PRKN: variants seen among roughly 807,000 people sequenced by gnomAD.
PRKN encodes E3 ubiquitin-protein ligase parkin.
A neutral mutation model predicts 59.5 loss-of-function variants in PRKN; 56 were observed. That is an observed-to-expected ratio of 0.94 (90% CI 0.76 to 1.18). The LOEUF (loss-of-function observed/expected upper bound fraction) is 1.18, where lower values mean the gene tolerates loss of function less well. PRKN is among the 50% of genes most tolerant of loss of function. PRKN has a pLI of 0.00. For missense variants in PRKN, 657 were observed against 596.4 expected (o/e 1.10, Z -1.06); for synonymous variants, 250 against 222.1 (o/e 1.13, Z -1.12).
chr6:162,620,859 T>C (rs59603930), intron 1 of PRKN, among the ~76,000 whole-genome samples: 2,231 of 152,306 alleles, frequency 0.015, 61 homozygotes, highest in African/African-American at 0.051. Context: ...CAGATATATA[T>C]TTTTTACCAA....
intron 2 of PRKN, among the ~76,000 whole-genome samples, chr6:162,400,457 C>CA (rs3081908): frequency 0.036 from 3,506 of 98,174 alleles, 92 homozygotes; most frequent in African/African-American, 0.07. Context: ...ATGTAAATAT[C>CA]AAAAAAAAAA....
At chr6:161,970,941 C>T (rs1257729550) in intron 6 of PRKN, among the ~76,000 whole-genome samples, 1 of 152,092 alleles carries the variant, frequency 6.6e-6, no homozygotes, top group Non-Finnish European at 1.5e-5. Context: ...ACGGAGTGTC[C>T]GTGCAGGCGC....
chr6:162,249,030 C>T (rs553248450), intron 3 of PRKN, among the ~76,000 whole-genome samples: 77 of 152,138 alleles, frequency 5.1e-4, no homozygotes, highest in African/African-American at 1.8e-3. Context: ...AGGTGCACCA[C>T]CACCACACCC....
At chr6:162,156,289 T>C (rs1237776817) in intron 4 of PRKN, among the ~76,000 whole-genome samples, 5 of 152,098 alleles carry the variant, frequency 3.3e-5, no homozygotes, top group African/African-American at 1.2e-4. Context: ...ACAGAACTAA[T>C]AGGATTGATG....
intron 1 of PRKN, among the ~76,000 whole-genome samples, chr6:162,647,820 C>T (rs912240875): frequency 6.6e-6 from 1 of 151,860 alleles, no homozygotes; most frequent in Non-Finnish European, 1.5e-5. Flanking sequence ...TTGTCTCTTT[C>T]CTCTGTCACC....
intron 7 of PRKN, among the ~76,000 whole-genome samples, chr6:161,615,189 AG>A (rs1395109257): frequency 6.6e-6 from 1 of 152,098 alleles, no homozygotes; most frequent in Non-Finnish European, 1.5e-5. Context: ...GCATATAGAG[AG>A]GGGTCTTGAA....
intron 1 of PRKN, among the ~76,000 whole-genome samples, chr6:162,637,691 A>G (rs1777783222): frequency 6.6e-6 from 1 of 152,220 alleles, no homozygotes; most frequent in Non-Finnish European, 1.5e-5. Flanking sequence ...CAATTAAATT[A>G]AAATTATATC....
Position 161,552,107 on chromosome 6 carries a change from A to G in PRKN, c.934-3104T>C, listed in dbSNP as rs1780041107. Among the ~76,000 whole-genome samples the G allele has an allele frequency of 6.6e-6, 1 of 152,220 alleles. No homozygotes were observed. Among genetic ancestry groups the G allele is most frequent in the Non-Finnish European group, 1.5e-5 (1 of 68,030 alleles). ...CACCCAGGCCCTCCTGAGGTCAGAG[A>G]TGATGAATTTAAAGGAAAACTCGTG... On this transcript the variant is annotated intron_variant, in intron 8 of 11. Coordinates refer to ENST00000366898, the MANE Select transcript of PRKN (RefSeq NM_004562.3). This position sits in a 1 kb window ranked among gnomAD's most constrained non-coding sequence, Gnocchi z 4.9.
intron 1 of PRKN, among the ~76,000 whole-genome samples, chr6:162,546,091 G>C (rs1210665225): frequency 6.7e-6 from 1 of 148,160 alleles, no homozygotes; most frequent in African/African-American, 2.5e-5. Flanking sequence ...CCATGTAAAA[G>C]TGTATGCAGT....
At chr6:162,571,313 A>C (rs1208886347) in intron 1 of PRKN, 2 of 136,862 alleles carry the variant, frequency 1.5e-5, no homozygotes, top group Non-Finnish European at 3.1e-5. Flanking sequence ...CAACAGAGAA[A>C]AACTCATTTC....
intron 7 of PRKN, among the ~76,000 whole-genome samples, chr6:161,712,292 T>C: frequency 6.6e-6 from 1 of 152,120 alleles, no homozygotes; most frequent in East Asian, 1.9e-4. Flanking sequence ...TATTAGCAAA[T>C]AGGTTATTCT....
Position 161,374,960 on chromosome 6 carries a change from C to A in PRKN, c.1167+11834G>T, listed in dbSNP as rs141741993. On this transcript the variant is annotated intron_variant, in intron 10 of 11. Transcript: ENST00000366898. ...AATCCAAAAGCCTTCAGGACAGCAT[C>A]ATTTTCAGAGGAGGGTCCCATGTGT... 3.8e-3 allele frequency among the ~76,000 whole-genome samples: 580 copies of A among 152,230 alleles called. 7 individuals are homozygous for A. The highest frequency in any genetic ancestry group is 0.013 in the African/African-American group (556 of 41,530).
intron 7 of PRKN, among the ~76,000 whole-genome samples, chr6:161,740,892 G>C (rs1788157140): frequency 6.6e-6 from 1 of 152,226 alleles, no homozygotes; most frequent in African/African-American, 2.4e-5. Context: ...TCTGATCCAA[G>C]GAACAGGTGG....
intron 7 of PRKN, among the ~76,000 whole-genome samples, chr6:161,778,801 G>A (rs1203689694): frequency 1.3e-5 from 2 of 152,164 alleles, no homozygotes; most frequent in African/African-American, 4.8e-5. Flanking sequence ...TGCTGCATCT[G>A]ACCACAGACA....
rs73592331 is a variant in PRKN at position 162,154,987 on chromosome 6, A to C, written c.534+46144T>G. 6.6e-3 allele frequency among the ~76,000 whole-genome samples: 1,007 copies of C among 151,844 alleles called. 10 individuals are homozygous for C. Among genetic ancestry groups the C allele is most frequent in the African/African-American group, 0.023 (945 of 41,476 alleles). ...GGTGATGCAAAAAAAAAAACAAAAA[A>C]ATTCAAAAAAAGCACAAAAAGGACT... On this transcript the variant is annotated intron_variant, in intron 4 of 11. Transcript: ENST00000366898.
intron 3 of PRKN, among the ~76,000 whole-genome samples, chr6:162,261,635 C>T (rs1779891618): frequency 6.6e-6 from 1 of 151,682 alleles, no homozygotes; most frequent in African/African-American, 2.4e-5. Flanking sequence ...ACCTGAGGTG[C>T]CCAGCTCACA....
intron 7 of PRKN, among the ~76,000 whole-genome samples, chr6:161,710,986 C>CT (rs1786727881): frequency 6.7e-6 from 1 of 149,528 alleles, no homozygotes; most frequent in Admixed American, 6.7e-5. Flanking sequence ...CTCTTTTCCC[C>CT]TTTCCTTCCT....
intron 6 of PRKN, among the ~76,000 whole-genome samples, chr6:161,865,561 G>C (rs1404527883): frequency 6.6e-6 from 1 of 152,128 alleles, no homozygotes; most frequent in African/African-American, 2.4e-5. Flanking sequence ...AGATCTTCTG[G>C]ATAACTTGCT....
intron 6 of PRKN, among the ~76,000 whole-genome samples, chr6:161,952,742 G>C (rs1780035406): frequency 6.6e-6 from 1 of 152,232 alleles, no homozygotes; most frequent in African/African-American, 2.4e-5. Flanking sequence ...AGATATTTAT[G>C]TGTGATCTCA....
Sources: gnomAD v4.1 joint callset for allele counts (sites outside exome capture counted in the v4.1 genomes callset) on GRCh38, gnomAD v4.1.1 for gene constraint, Gnocchi (gnomAD v3.1) non-coding constraint, MANE v1.5 for transcripts, NCBI Gene and HGNC (gene_info 2026-07-23, HGNC 2026-07-21) for gene names.